The following DLG2 variants were observed in gnomAD, a reference collection of about 807,000 sequenced individuals.
DLG2 encodes discs large MAGUK scaffold protein 2.
In DLG2, 45 loss-of-function variants were observed where a neutral mutation model predicts 132.5. The ratio of observed to expected loss-of-function variants is 0.34; its 90% confidence interval spans 0.27 to 0.44. DLG2 has a LOEUF of 0.44. DLG2 is among the 20% of genes least tolerant of loss of function. The pLI, the probability that DLG2 is intolerant of heterozygous loss-of-function variation, is 1.00. For synonymous variants in DLG2, 424 were observed against 419.6 expected, an observed-to-expected ratio of 1.01 and a Z score of -0.13; for missense variants, 1,045 against 1,196.9, an observed-to-expected ratio of 0.87 and a Z score of 1.87.
chr11:84,656,908 G>C (rs1229333491), intron 6 of DLG2, among the ~76,000 whole-genome samples: 2 of 152,086 alleles, frequency 1.3e-5, no homozygotes, highest in Non-Finnish European at 2.9e-5. Context: ...TATTGTGTTA[G>C]GATCAGTTCA....
intron 7 of DLG2, among the ~76,000 whole-genome samples, chr11:84,338,631 T>C (rs2098499376): frequency 6.6e-6 from 1 of 151,970 alleles, no homozygotes; most frequent in Non-Finnish European, 1.5e-5. Flanking sequence ...AAGACCAACC[T>C]GGCTAACATG....
intron 3 of DLG2, among the ~76,000 whole-genome samples, chr11:85,409,209 G>C (rs1387970075): frequency 6.6e-6 from 1 of 151,810 alleles, no homozygotes; most frequent in Non-Finnish European, 1.5e-5. Context: ...GAGACAAATA[G>C]GGTACAGAGT....
chr11:85,225,727 G>T (rs956348171), intron 4 of DLG2, among the ~76,000 whole-genome samples: 2 of 152,006 alleles, frequency 1.3e-5, no homozygotes, highest in Non-Finnish European at 2.9e-5. Flanking sequence ...ACTTGGGGCA[G>T]ATATTCTGCT....
intron 3 of DLG2, among the ~76,000 whole-genome samples, chr11:85,414,398 C>G (rs977021054): frequency 7.2e-5 from 11 of 152,068 alleles, no homozygotes; most frequent in Admixed American, 4.6e-4. Flanking sequence ...ATCTCTTCCT[C>G]TTGTCTGATT....
At chr11:85,619,528 T>G (rs1177875679) in intron 2 of DLG2, among the ~76,000 whole-genome samples, 1 of 152,058 alleles carries the variant, frequency 6.6e-6, no homozygotes, top group Non-Finnish European at 1.5e-5. Flanking sequence ...ACTTGAAGTT[T>G]TGGAAAACAG....
At chr11:84,502,178 C>T (rs573649489) in intron 7 of DLG2, among the ~76,000 whole-genome samples, 22 of 26,288 alleles carry the variant, frequency 8.4e-4, no homozygotes, top group African/African-American at 2.3e-3. Flanking sequence ...CTCTCTCTTT[C>T]TCTCTCTTTC....
intron 18 of DLG2, among the ~76,000 whole-genome samples, chr11:83,753,634 G>T (rs2093434750): frequency 1.4e-5 from 2 of 141,426 alleles, no homozygotes; most frequent in South Asian, 2.2e-4. Context: ...ATATAAAATT[G>T]ATATAAAATA....
chr11:83,591,981 T>C lies in DLG2; in HGVS notation c.1940+41230A>G, dbSNP rs1398315678. ...AGGAGAACTACAAACCACTGCTCAA[T>C]GAAATAAAAGAGGATACAAACAAAT... is the stretch of plus-strand genomic sequence containing the variant. On this transcript the variant is annotated intron_variant, in intron 19 of 27. Transcript: ENST00000376104. Among the ~76,000 whole-genome samples the C allele has an allele frequency of 1.6e-5, 2 of 124,856 alleles. 1 individual carries two copies. The highest frequency in any genetic ancestry group is 5.7e-4 in the South Asian group (2 of 3,502). The allele number at this position is 124,856 out of a possible 152,430, so 81.9% of individuals were successfully genotyped here.
At chr11:84,785,805 G>C (rs2072779418) in intron 6 of DLG2, among the ~76,000 whole-genome samples, 1 of 151,384 alleles carries the variant, frequency 6.6e-6, no homozygotes, top group Admixed American at 6.6e-5. Flanking sequence ...GCCTTATTTT[G>C]ACCAGTGGAA....
chr11:85,234,095 G>T (rs1002747583), intron 4 of DLG2, among the ~76,000 whole-genome samples: 1 of 151,796 alleles, frequency 6.6e-6, no homozygotes, highest in African/African-American at 2.4e-5. Context: ...TGTGGCCTCT[G>T]CCCTCACAGA....
Position 84,024,705 on chromosome 11 carries a change from A to T in DLG2, c.919+34610T>A, listed in dbSNP as rs1311768616. Among the ~76,000 whole-genome samples, 9 of 152,194 alleles carry T rather than the reference A, an allele frequency of 5.9e-5. No homozygotes were observed. In the East Asian group the frequency reaches 1.7e-3, roughly 29 times the overall value. ...TATATGTAGAATTGAAAACAACTGA[A>T]CTCATCAAAGCAGAGAGTAGAATGG... is the stretch of plus-strand genomic sequence containing the variant. On this transcript the variant is annotated intron_variant, in intron 11 of 27. Transcript: ENST00000376104.
chr11:84,911,280 T>A (rs1219418996), intron 6 of DLG2, among the ~76,000 whole-genome samples: 1 of 152,020 alleles, frequency 6.6e-6, no homozygotes, highest in African/African-American at 2.4e-5. Context: ...AAAGCCTACA[T>A]GTTGCTTAAC....
At chr11:85,486,318 T>A (rs1181154161) in intron 3 of DLG2, among the ~76,000 whole-genome samples, 1 of 152,104 alleles carries the variant, frequency 6.6e-6, no homozygotes, top group Non-Finnish European at 1.5e-5. Context: ...ATGCTCTAAC[T>A]GAGAGGGGCC....
chr11:85,539,577 T>C (rs1409148266), intron 3 of DLG2, among the ~76,000 whole-genome samples: 2 of 152,204 alleles, frequency 1.3e-5, no homozygotes, highest in African/African-American at 4.8e-5. Context: ...TAGTTACTGA[T>C]GATAGCTGCA....
At chr11:84,033,709 T>C (rs1320606289) in intron 11 of DLG2, among the ~76,000 whole-genome samples, 3 of 152,240 alleles carry the variant, frequency 2.0e-5, no homozygotes, top group East Asian at 1.9e-4. Flanking sequence ...GAAGAGTCAA[T>C]TACTGTGGAA....
chr11:84,804,956 C>G (rs1260150600), intron 6 of DLG2, among the ~76,000 whole-genome samples: 1 of 152,164 alleles, frequency 6.6e-6, no homozygotes, highest in African/African-American at 2.4e-5. Flanking sequence ...GAGCTTAGAT[C>G]TCCACTCCCA....
intron 9 of DLG2, among the ~76,000 whole-genome samples, chr11:84,133,437 C>T (rs1210608603): frequency 1.3e-5 from 2 of 151,896 alleles, no homozygotes; most frequent in African/African-American, 2.4e-5. Flanking sequence ...AGGTTTGTAC[C>T]TGCTAAATAT....
At chr11:85,331,960 G>T (rs920820627) in intron 3 of DLG2, among the ~76,000 whole-genome samples, 2 of 152,086 alleles carry the variant, frequency 1.3e-5, no homozygotes, top group Non-Finnish European at 2.9e-5. Flanking sequence ...AGAATGGTTT[G>T]TATTCCTTTG....
chr11:85,172,213 C>G (rs2078926092), intron 4 of DLG2, among the ~76,000 whole-genome samples: 1 of 152,206 alleles, frequency 6.6e-6, no homozygotes, highest in South Asian at 2.1e-4. Flanking sequence ...TGGCCAGCAT[C>G]AGGTTGGTGA....
Sources: gnomAD v4.1 joint callset for allele counts (sites outside exome capture counted in the v4.1 genomes callset) on GRCh38, gnomAD v4.1.1 for gene constraint, MANE v1.5 for transcripts, NCBI Gene and HGNC (gene_info 2026-07-23, HGNC 2026-07-21) for gene names.